PPP2R2C: variants seen among roughly 807,000 people sequenced by gnomAD.
PPP2R2C encodes protein phosphatase 2 regulatory subunit Bgamma, also known as protein phosphatase 2, regulatory subunit B, gamma.
In PPP2R2C, 10 loss-of-function variants were observed where a neutral mutation model predicts 45.3. The observed-to-expected ratio is 0.22, with a 90% CI of 0.14 to 0.37. The LOEUF (loss-of-function observed/expected upper bound fraction) is 0.37. Among genes scored for constraint, PPP2R2C ranks in the 10% least tolerant of loss-of-function variants. PPP2R2C has a pLI of 1.00. For missense variants in PPP2R2C, 308 were observed against 619.7 expected (o/e 0.50, Z 5.34); for synonymous variants, 257 against 245.4 (o/e 1.05, Z -0.44).
intron 2 of PPP2R2C, among the ~76,000 whole-genome samples, chr4:6,379,144 G>C (rs1715587407): frequency 6.6e-6 from 1 of 152,082 alleles, no homozygotes; most frequent in Non-Finnish European, 1.5e-5. Flanking sequence ...CTTTAACATT[G>C]GGACAGAATG....
rs10213247 is a variant in PPP2R2C at position 6,413,602 on chromosome 4, C to T, written c.71-32508G>A. Among the ~76,000 whole-genome samples the T allele has an allele frequency of 0.27, 40,951 of 152,052 alleles. 5,899 individuals are homozygous for T. Among genetic ancestry groups the T allele is most frequent in the Admixed American group, 0.38 (5,885 of 15,292 alleles). ...CTGGTGCAGTTATCAGAGCAAGACC[C>T]GACCCTGCTGTGAGAGAACACCCTG... On this transcript the variant is annotated intron_variant, in intron 1 of 8. Transcript: ENST00000382599.
chr4:6,388,695 G>C (rs1413880477), intron 1 of PPP2R2C, among the ~76,000 whole-genome samples: 1 of 152,112 alleles, frequency 6.6e-6, no homozygotes, highest in African/African-American at 2.4e-5. Flanking sequence ...GCCTGGAAAT[G>C]CCCGGAAATG....
intron 1 of PPP2R2C, chr4:6,382,480 T>G: frequency 7.4e-7 from 1 of 1,352,070 alleles, no homozygotes; most frequent in Non-Finnish European, 9.8e-7. Context: ...TGCATCCCTG[T>G]GTCCCTCTAT....
chr4:6,495,747 G>A (rs953655706), intron 2 of PPP2R2C, among the ~76,000 whole-genome samples: 3 of 152,332 alleles, frequency 2.0e-5, no homozygotes, highest in Middle Eastern at 3.4e-3. Flanking sequence ...AGGGAGAGGA[G>A]GCTCTTCGGC....
At position 6,366,233 on chromosome 4, in the gene PPP2R2C, T is replaced by C. The variant is rs150538411; in HGVS notation, c.625+6290A>G. On this transcript the variant is annotated intron_variant, in intron 5 of 8. Transcript: ENST00000382599. ...TATAAAAGGGAATTTTCTGATTTTA[T>C]ATTCAGGGAAGCTGATGGCCCAGCA... Among the ~76,000 whole-genome samples the C allele has an allele frequency of 3.3e-3, 501 of 152,354 alleles. 4 individuals carry two copies. The highest frequency in any genetic ancestry group is 0.011 in the African/African-American group (464 of 41,586).
intron 2 of PPP2R2C, among the ~76,000 whole-genome samples, chr4:6,497,047 G>T (rs1410446047): frequency 6.6e-6 from 1 of 152,002 alleles, no homozygotes; most frequent in Non-Finnish European, 1.5e-5. Flanking sequence ...GGATGGAGAA[G>T]TTCCATAGGC....
At chr4:6,464,274 G>C (rs114120134) in intron 1 of PPP2R2C, among the ~76,000 whole-genome samples, 1 of 152,152 alleles carries the variant, frequency 6.6e-6, no homozygotes, top group Non-Finnish European at 1.5e-5. Context: ...AAGTCCACTT[G>C]GATCATTCTG....
chr4:6,358,415 C>G (rs1560477240), intron 5 of PPP2R2C, among the ~76,000 whole-genome samples: 1 of 151,560 alleles, frequency 6.6e-6, no homozygotes. Context: ...CCATTCAGGA[C>G]ATAGGCATGG....
At chr4:6,543,240 C>A (rs1319507164) in intron 1 of PPP2R2C, among the ~76,000 whole-genome samples, 1 of 152,194 alleles carries the variant, frequency 6.6e-6, no homozygotes, top group Non-Finnish European at 1.5e-5. Flanking sequence ...GACTACAACT[C>A]GGCTCAGCTC....
chr4:6,411,086 G>T (rs1439448644), intron 1 of PPP2R2C, among the ~76,000 whole-genome samples: 3 of 151,906 alleles, frequency 2.0e-5, no homozygotes, highest in Non-Finnish European at 1.5e-5. Flanking sequence ...GCCCAGGCTG[G>T]TCTTGAACTC....
chr4:6,321,188 T>C lies in PPP2R2C; in HGVS notation c.*2114A>G, dbSNP rs749837780. The C allele has an allele frequency of 6.6e-5, 10 of 152,282 alleles. No individual in the cohort carries two copies. Among genetic ancestry groups the C allele is most frequent in the Non-Finnish European group, 1.5e-4 (10 of 68,048 alleles). The allele number at this position is 152,282 out of a possible 1,614,324, so 9.4% of individuals were successfully genotyped here. On this transcript the variant is annotated 3_prime_UTR_variant, in exon 9 of 9. Transcript: ENST00000382599. ...TACTTTGAAGATGGTAAATGTTAAA[T>C]CTATGATGTGACAGTAACCTCTAGC...
intron 2 of PPP2R2C, among the ~76,000 whole-genome samples, chr4:6,480,921 T>C (rs1722325749): frequency 6.6e-6 from 1 of 152,252 alleles, no homozygotes. Flanking sequence ...TTGGGAATCT[T>C]TCCACTTGGC....
rs571910904 is a variant in PPP2R2C, at chr4:6,331,515, G to A, written c.960+2047C>T. 2.0e-5 allele frequency among the ~76,000 whole-genome samples: 3 copies of A among 152,300 alleles called. No homozygotes were observed. The South Asian group carries it at 6.2e-4, about 32-fold the overall frequency. ...ATTAATCTTCCCAGCCACTATGGTG[G>A]CTGCCAGGGACCCATTCTAGACAAT... On this transcript the variant is annotated intron_variant, in intron 7 of 8. Transcript: ENST00000382599. This position sits in a 1 kb window ranked among gnomAD's most constrained non-coding sequence, Gnocchi z 5.9.
At chr4:6,543,074 G>A (rs576496857) in intron 1 of PPP2R2C, among the ~76,000 whole-genome samples, 16 of 152,344 alleles carry the variant, frequency 1.1e-4, no homozygotes, top group Non-Finnish European at 1.5e-4. Context: ...GATCTTTGCC[G>A]CAGCAGGCGG....
chr4:6,355,822 C>T (rs1226652643), intron 5 of PPP2R2C, among the ~76,000 whole-genome samples: 4 of 130,158 alleles, frequency 3.1e-5, no homozygotes, highest in African/African-American at 1.0e-4. Flanking sequence ...GAAACCCTGA[C>T]TCTACTAAAA....
intron 2 of PPP2R2C, among the ~76,000 whole-genome samples, chr4:6,496,407 CT>C (rs1261007594): frequency 6.6e-6 from 1 of 152,204 alleles, no homozygotes; most frequent in African/African-American, 2.4e-5. Flanking sequence ...GCAACAGAGG[CT>C]TTGCTTGGAC....
chr4:6,430,121 G>T (rs1347008640), intron 1 of PPP2R2C, among the ~76,000 whole-genome samples: 1 of 152,182 alleles, frequency 6.6e-6, no homozygotes, highest in Non-Finnish European at 1.5e-5. Context: ...GTGGGCACAT[G>T]AATCCATTTC....
chr4:6,383,116 T>C (rs957675542), intron 1 of PPP2R2C: 1 of 1,111,476 alleles, frequency 9.0e-7, no homozygotes, highest in South Asian at 2.1e-5. Context: ...CAAACAGAGA[T>C]GCAAAGGGGC....
At chr4:6,385,450 CA>C (rs1446323647) in intron 1 of PPP2R2C, among the ~76,000 whole-genome samples, 1 of 152,238 alleles carries the variant, frequency 6.6e-6, no homozygotes, top group African/African-American at 2.4e-5. Context: ...TCCATCTTCT[CA>C]TCTTGGATTA....
Sources: allele counts gnomAD v4.1 joint callset (sites outside exome capture counted in the v4.1 genomes callset), GRCh38; gene constraint gnomAD v4.1.1; non-coding constraint Gnocchi (gnomAD v3.1); transcripts MANE v1.5; gene names NCBI Gene and HGNC (gene_info 2026-07-23, HGNC 2026-07-21).